The following CPXM2 variants were observed in gnomAD, a reference collection of about 807,000 sequenced individuals.
The protein encoded by CPXM2 is carboxypeptidase X, M14 family member 2.
Under a neutral mutation model 86.1 loss-of-function variants are expected in CPXM2, and 66 were observed. The ratio of observed to expected loss-of-function variants is 0.77; its 90% confidence interval spans 0.63 to 0.94. CPXM2 has a LOEUF of 0.94. CPXM2 is among the 40% of genes least tolerant of loss of function. The pLI, the probability that CPXM2 is intolerant of heterozygous loss-of-function variation, is 0.00. For synonymous variants in CPXM2, 388 were observed against 400.2 expected, an observed-to-expected ratio of 0.97 and a Z score of 0.36; for missense variants, 948 against 1,026.3, an observed-to-expected ratio of 0.92 and a Z score of 1.04.
chr10:123,830,236 G>A (rs1464416981), intron 4 of CPXM2, among the ~76,000 whole-genome samples: 1 of 152,168 alleles, frequency 6.6e-6, no homozygotes, highest in Non-Finnish European at 1.5e-5. Flanking sequence ...GGAAATACGA[G>A]TAGCTCAAAT....
At chr10:123,809,880 G>T (rs1847656356) in intron 4 of CPXM2, among the ~76,000 whole-genome samples, 1 of 151,780 alleles carries the variant, frequency 6.6e-6, no homozygotes, top group African/African-American at 2.4e-5. Context: ...TTATATAAAA[G>T]AAAACTAAAA....
At chr10:123,855,790 G>A (rs546286935) in intron 3 of CPXM2, among the ~76,000 whole-genome samples, 1 of 152,288 alleles carries the variant, frequency 6.6e-6, no homozygotes, top group African/African-American at 2.4e-5. Flanking sequence ...TCTAGTACTG[G>A]CATCGAGGTG....
chr10:123,761,300 C>T (rs978984119), intron 11 of CPXM2, among the ~76,000 whole-genome samples: 11 of 152,214 alleles, frequency 7.2e-5, no homozygotes, highest in African/African-American at 2.4e-4. Flanking sequence ...TGAATGGAAC[C>T]GTCCTCACCA....
At chr10:123,887,204 C>T (rs961873957) in intron 1 of CPXM2, 1 of 152,162 alleles carries the variant, frequency 6.6e-6, no homozygotes, top group Admixed American at 6.5e-5. Context: ...GAGCAGAGGC[C>T]GGGCAGCTCA....
Position 123,886,668 on chromosome 10 carries a change from C to T in CPXM2, c.304+4688G>A, listed in dbSNP as rs1036233658. ...AGAAAGTTATGAACAAAGGACCAAGCAGAAACTCAAATTTAAAGACTACAT... is the reference window on the plus strand; with the variant it reads ...AGAAAGTTATGAACAAAGGACCAAGTAGAAACTCAAATTTAAAGACTACAT... On this transcript the variant is annotated intron_variant, in intron 1 of 13. Transcript: ENST00000241305. Among the ~76,000 whole-genome samples, 18 of 152,234 alleles carry T rather than the reference C, an allele frequency of 1.2e-4. 1 individual carries two copies. Among genetic ancestry groups the T allele is most frequent in the Middle Eastern group, 6.8e-3 (2 of 292 alleles).
chr10:123,768,556 G>A lies in CPXM2; in HGVS notation c.1269C>T (p.Asn423=), dbSNP rs1390610140. 6 of 1,613,850 alleles carry A rather than the reference G, an allele frequency of 3.7e-6. No individual in the cohort carries two copies. In the South Asian group the frequency reaches 5.5e-5, roughly 15 times the overall value. ...ETRIHVLPSL[N]PDGYEKAYEG... is the part of the protein sequence containing the mutation. Reference sequence around the variant, plus strand: ...CGTAGGCCTTCTCGTAGCCATCGGGGTTGAGGGAGGGGAGGACGTGAATCC... The same window carrying A: ...CGTAGGCCTTCTCGTAGCCATCGGGATTGAGGGAGGGGAGGACGTGAATCC... Residue 423 remains asparagine, a synonymous_variant, in exon 9 of 14, where the codon AAC becomes AAT. Coordinates refer to ENST00000241305, the MANE Select transcript of CPXM2 (RefSeq NM_198148.3).
intron 2 of CPXM2, among the ~76,000 whole-genome samples, chr10:123,917,362 C>G (rs180903235): frequency 6.6e-6 from 1 of 152,320 alleles, no homozygotes. Flanking sequence ...TCTTAACACC[C>G]AGCCTGACTT....
intron 3 of CPXM2, among the ~76,000 whole-genome samples, chr10:123,856,105 A>C (rs935343949): frequency 6.6e-6 from 1 of 152,166 alleles, no homozygotes; most frequent in African/African-American, 2.4e-5. Context: ...TGTTTCTTCC[A>C]AGCTCTGATC....
At chr10:123,905,455 C>G (rs1945430579) in intron 2 of CPXM2, among the ~76,000 whole-genome samples, 2 of 152,188 alleles carry the variant, frequency 1.3e-5, no homozygotes, top group South Asian at 4.1e-4. Context: ...GCTGTCCCAT[C>G]TGCCAATCCG....
In CPXM2 at chr10:123,746,163, C is replaced by T. The variant is rs1845966146; in HGVS notation, c.*601G>A. ...GCCTCTCTCTCCTTTTCTGAACACA[C>T]TCCTTTGTTGAAAAAGGAGACTAAA... On this transcript the variant is annotated 3_prime_UTR_variant, in exon 14 of 14. Coordinates refer to ENST00000241305, the MANE Select transcript of CPXM2 (RefSeq NM_198148.3). 6.5e-6 allele frequency: 1 copy of T among 152,684 alleles called. No homozygotes were observed. Among genetic ancestry groups the T allele is most frequent in the African/African-American group, 2.4e-5 (1 of 41,444 alleles). 9.5% of individuals were successfully genotyped at this position (152,684 alleles called of 1,614,324 possible).
chr10:123,841,637 C>T (rs1187721058), intron 4 of CPXM2, among the ~76,000 whole-genome samples: 2 of 152,220 alleles, frequency 1.3e-5, no homozygotes, highest in Non-Finnish European at 2.9e-5. Context: ...GTATTGCACT[C>T]AGCAGAATGT....
intron 7 of CPXM2, chr10:123,776,887 C>T (rs971757207): frequency 6.6e-6 from 1 of 152,098 alleles, no homozygotes; most frequent in African/African-American, 2.4e-5. Flanking sequence ...ATTGTTTATC[C>T]AGTGAATGCA....
intron 2 of CPXM2, among the ~76,000 whole-genome samples, chr10:123,919,306 A>G (rs1476916368): frequency 1.3e-5 from 2 of 152,244 alleles, no homozygotes; most frequent in African/African-American, 4.8e-5. Context: ...CTAAAATGAA[A>G]TAATCAACAT....
At chr10:123,780,342 A>G in intron 6 of CPXM2, 87 bp from the exon 7 acceptor site, 1 of 901,032 alleles carries the variant, frequency 1.1e-6, no homozygotes, top group Non-Finnish European at 1.9e-6. Context: ...GACTGCACGG[A>G]CAGTGCAGCC....
At position 123,865,155 on chromosome 10, in the gene CPXM2, G is replaced by A. The variant is rs1362931434; in HGVS notation, c.404-2432C>T. 6.6e-6 allele frequency among the ~76,000 whole-genome samples: 1 copy of A among 152,168 alleles called. No homozygotes were observed. The highest frequency in any genetic ancestry group is 1.5e-5 in the Non-Finnish European group (1 of 68,034). On this transcript the variant is annotated intron_variant, in intron 2 of 13. Transcript: ENST00000241305. The surrounding 1 kb of genome is among the most constrained non-coding windows in gnomAD (Gnocchi z 4.7). ...TGGGGGAGCCCAGATAAACACACACGAACTTGGCCTGCTCGCAAACGTAGT... is the reference window on the plus strand; with the variant it reads ...TGGGGGAGCCCAGATAAACACACACAAACTTGGCCTGCTCGCAAACGTAGT...
chr10:123,839,107 C>CACTT (rs1848333044), intron 4 of CPXM2, among the ~76,000 whole-genome samples: 1 of 152,308 alleles, frequency 6.6e-6, no homozygotes, highest in East Asian at 1.9e-4. Flanking sequence ...GAAGAGCCAC[C>CACTT]ACTTACTCTG....
At chr10:123,825,501 A>T (rs1481583315) in intron 4 of CPXM2, among the ~76,000 whole-genome samples, 1 of 152,130 alleles carries the variant, frequency 6.6e-6, no homozygotes, top group African/African-American at 2.4e-5. Flanking sequence ...ACAGTTAGTT[A>T]CCGCCTTTGT....
Position 123,919,514 on chromosome 10 carries a change from T to C in CPXM2, n.174+19963A>G, listed in dbSNP as rs527979451. Among the ~76,000 whole-genome samples, 127 of 152,262 alleles carry C rather than the reference T, an allele frequency of 8.3e-4. 1 individual carries two copies. The highest frequency in any genetic ancestry group is 3.0e-3 in the African/African-American group (124 of 41,530). ...TACTCCATAAAGTAAGAATGAACACTCTTGAAACAAATAGAAAGTTACAAG... is the reference window on the plus strand; with the variant it reads ...TACTCCATAAAGTAAGAATGAACACCCTTGAAACAAATAGAAAGTTACAAG... On this transcript the variant is annotated intron_variant and non_coding_transcript_variant, in intron 2 of 19. Coordinates refer to the CPXM2 transcript ENST00000368854.
chr10:123,854,867 G>A (rs1848686145), intron 3 of CPXM2, among the ~76,000 whole-genome samples: 1 of 151,948 alleles, frequency 6.6e-6, no homozygotes, highest in Non-Finnish European at 1.5e-5. Flanking sequence ...ACATATTAAA[G>A]AAAAATGCAC....
Sources: allele counts gnomAD v4.1 joint callset (sites outside exome capture counted in the v4.1 genomes callset), GRCh38; gene constraint gnomAD v4.1.1; non-coding constraint Gnocchi (gnomAD v3.1); transcripts MANE v1.5; gene names NCBI Gene and HGNC (gene_info 2026-07-23, HGNC 2026-07-21).